Variants in MEMO1 observed in about 807,000 individuals in gnomAD.
MEMO1 encodes the protein protein MEMO1.
Under a neutral mutation model 45.2 loss-of-function variants are expected in MEMO1, and 6 were observed. The observed-to-expected ratio is 0.13, with a 90% CI of 0.07 to 0.26. MEMO1 has a LOEUF of 0.26. Among genes scored for constraint, MEMO1 ranks in the 10% least tolerant of loss-of-function variants. The probability of loss-of-function intolerance (pLI) is 1.00; values close to 1 mark genes in which losing one functional copy is unlikely to be tolerated. For missense variants in MEMO1, 184 were observed against 370.5 expected (o/e 0.50, Z 4.13); for synonymous variants, 78 against 124.3 (o/e 0.63, Z 2.48).
chr2:31,894,720 G>C (rs1677498304), intron 6 of MEMO1, among the ~76,000 whole-genome samples: 2 of 152,216 alleles, frequency 1.3e-5, no homozygotes, highest in Middle Eastern at 3.4e-3. Flanking sequence ...AGAAAATTTG[G>C]GTACGTGCAC....
At chr2:31,902,734 TTTTG>T (rs536351448) in intron 6 of MEMO1, among the ~76,000 whole-genome samples, 159 of 152,182 alleles carry the variant, frequency 1.0e-3, no homozygotes, top group Middle Eastern at 3.4e-3. Context: ...CCCCCTCACA[TTTTG>T]TTTGTTTGTT....
At chr2:31,984,648 AC>A (rs1294670462) in intron 2 of MEMO1, among the ~76,000 whole-genome samples, 1 of 152,154 alleles carries the variant, frequency 6.6e-6, no homozygotes, top group East Asian at 1.9e-4. Flanking sequence ...AAAAACACAA[AC>A]AAAAAAATTA....
chr2:31,911,583 T>C (rs1680578048), intron 6 of MEMO1, among the ~76,000 whole-genome samples: 1 of 152,236 alleles, frequency 6.6e-6, no homozygotes, highest in Non-Finnish European at 1.5e-5. Context: ...TGTACCATAC[T>C]AATTCAAGAT....
At chr2:31,986,009 A>C (rs1350194723) in intron 2 of MEMO1, among the ~76,000 whole-genome samples, 1 of 152,172 alleles carries the variant, frequency 6.6e-6, no homozygotes, top group African/African-American at 2.4e-5. Flanking sequence ...TCTGTGAGTT[A>C]TCTCAATAGA....
At chr2:31,989,363 A>G (rs1671664517) in intron 2 of MEMO1, among the ~76,000 whole-genome samples, 1 of 152,250 alleles carries the variant, frequency 6.6e-6, no homozygotes, top group East Asian at 1.9e-4. Context: ...TGGGCTTAAC[A>G]ACTTCCCAAG....
chr2:31,933,352 T>TAAAAAAAAAA (rs1558514359), intron 3 of MEMO1, among the ~76,000 whole-genome samples: 10 of 12,218 alleles, frequency 8.2e-4, no homozygotes, highest in Admixed American at 1.3e-3. Context: ...AAAAAAAATT[T>TAAAAAAAAAA]ATATATATAT....
chr2:31,920,365 G>C (rs1398129526), intron 5 of MEMO1, among the ~76,000 whole-genome samples: 1 of 151,794 alleles, frequency 6.6e-6, no homozygotes, highest in Non-Finnish European at 1.5e-5. Flanking sequence ...ATAATTAAAG[G>C]CTCATTTTTT....
chr2:31,915,992 C>G (rs892315704), intron 6 of MEMO1, among the ~76,000 whole-genome samples: 1 of 152,032 alleles, frequency 6.6e-6, no homozygotes, highest in Non-Finnish European at 1.5e-5. Flanking sequence ...AGAAAAGACA[C>G]TAAGTACTAT....
chr2:32,002,055 G>C (rs1457271490), intron 2 of MEMO1, among the ~76,000 whole-genome samples: 1 of 148,926 alleles, frequency 6.7e-6, no homozygotes, highest in East Asian at 2.0e-4. Context: ...CTGAGGCAGG[G>C]GAATCGCTTG....
At chr2:31,975,899 TTTTC>T (rs1448563617) in intron 2 of MEMO1, among the ~76,000 whole-genome samples, 1 of 152,184 alleles carries the variant, frequency 6.6e-6, no homozygotes, top group East Asian at 1.9e-4. Context: ...TTCCTTTTTC[TTTTC>T]TTTGCTTTTT....
chr2:31,915,435 C>T lies in MEMO1; in HGVS notation c.437+2491G>A, dbSNP rs1383688406. Among the ~76,000 whole-genome samples the T allele has an allele frequency of 2.0e-5, 3 of 152,020 alleles. No individual in the cohort carries two copies. The South Asian group carries it at 6.2e-4, about 31-fold the overall frequency. On this transcript the variant is annotated intron_variant, in intron 6 of 9. Coordinates refer to ENST00000404530, the MANE Select transcript of MEMO1 (RefSeq NM_001301833.4). ...TATTGCTTTTTTCCTTAAATCTTGG[C>T]TGACACAGTGATCTTATTTGCTTTG...
intron 2 of MEMO1, among the ~76,000 whole-genome samples, chr2:32,009,252 G>A (rs983026441): frequency 6.6e-6 from 1 of 152,202 alleles, no homozygotes; most frequent in South Asian, 2.1e-4. Flanking sequence ...CCTGCCTGGT[G>A]TAGGGCGACC....
At chr2:31,925,259 C>T (rs1682906734) in intron 4 of MEMO1, among the ~76,000 whole-genome samples, 2 of 152,112 alleles carry the variant, frequency 1.3e-5, no homozygotes, top group South Asian at 2.1e-4. Flanking sequence ...AGGCGGATCA[C>T]GAGGTCAGGA....
At chr2:31,922,110 A>G (rs1350082273) in intron 4 of MEMO1, among the ~76,000 whole-genome samples, 1 of 152,206 alleles carries the variant, frequency 6.6e-6, no homozygotes, top group African/African-American at 2.4e-5. Context: ...AATATATGAT[A>G]TGCTATGTAG....
Position 31,868,370 on chromosome 2 carries a change from C to T in MEMO1, c.885G>A (p.Thr295=), listed in dbSNP as rs1032866296. ...CTGAGGATTCAGAGCTTCAGTGGAC[C>T]GTGAGTGCTCCAGCTGCATAACTCA... ...SSVSYAAGAL[T]VH The change falls in exon 10 of 10, where the codon ACG becomes ACA. Residue 295 remains threonine (T), a synonymous_variant. Coordinates refer to ENST00000404530, the MANE Select transcript of MEMO1 (RefSeq NM_001301833.4). 4 of 1,547,530 alleles carry T rather than the reference C, an allele frequency of 2.6e-6. No individual in the cohort carries two copies. The highest frequency in any genetic ancestry group is 2.8e-5 in the African/African-American group (2 of 71,608).
chr2:31,914,830 T>C (rs1681179872), intron 6 of MEMO1, among the ~76,000 whole-genome samples: 1 of 151,760 alleles, frequency 6.6e-6, no homozygotes, highest in Non-Finnish European at 1.5e-5. Flanking sequence ...TGGTAGTACA[T>C]ACCTGTAGTG....
At chr2:31,871,569 T>C (rs941398116) in intron 8 of MEMO1, among the ~76,000 whole-genome samples, 2 of 151,882 alleles carry the variant, frequency 1.3e-5, no homozygotes, top group African/African-American at 2.4e-5. Flanking sequence ...CAACTTTGAA[T>C]TGCTTGCACA....
chr2:31,902,445 G>C (rs538028919), intron 6 of MEMO1, among the ~76,000 whole-genome samples: 44 of 151,712 alleles, frequency 2.9e-4, no homozygotes, highest in Admixed American at 1.6e-3. Flanking sequence ...GTGAATTTTA[G>C]TGTATAAATC....
intron 8 of MEMO1, among the ~76,000 whole-genome samples, chr2:31,875,329 T>C (rs922473596): frequency 1.3e-5 from 2 of 152,146 alleles, no homozygotes; most frequent in Non-Finnish European, 2.9e-5. Context: ...GGTTCTACTG[T>C]ACAATTTATT....
Sources: gnomAD v4.1 joint callset for allele counts (sites outside exome capture counted in the v4.1 genomes callset) on GRCh38, gnomAD v4.1.1 for gene constraint, MANE v1.5 for transcripts, NCBI Gene and HGNC (gene_info 2026-07-23, HGNC 2026-07-21) for gene names.